Variants in SMARCAL1 observed in about 807,000 individuals in gnomAD.
SMARCAL1 encodes SNF2 related chromatin remodeling annealing helicase 1, also known as ATP-driven annealing helicase.
In SMARCAL1, 58 loss-of-function variants were observed where a neutral mutation model predicts 94.5. The observed-to-expected ratio is 0.61, with a 90% confidence interval of 0.50 to 0.76. The LOEUF is 0.76. SMARCAL1 is among the 30% of genes least tolerant of loss of function. SMARCAL1 has a pLI of 0.00. For missense variants in SMARCAL1, 1,051 were observed against 1,177.9 expected, an observed-to-expected ratio of 0.89 and a Z score of 1.58; for synonymous variants, 422 against 455.1, an observed-to-expected ratio of 0.93 and a Z score of 0.93.
At chr2:216,481,961 T>C (rs1013384813) in intron 17 of SMARCAL1, among the ~76,000 whole-genome samples, 9 of 152,222 alleles carry the variant, frequency 5.9e-5, no homozygotes, top group African/African-American at 1.9e-4. Context: ...TGTGTTGTGG[T>C]TGTATCCACT....
intron 4 of SMARCAL1, among the ~76,000 whole-genome samples, chr2:216,419,119 A>T (rs1318847529): frequency 2.0e-5 from 3 of 152,200 alleles, no homozygotes; most frequent in Non-Finnish European, 2.9e-5. Context: ...GGTAGTTGGG[A>T]TAGATTCCCA....
In SMARCAL1 at chr2:216,475,415, C is replaced by T. The variant is rs1695051788; in HGVS notation, c.2391C>T (p.Asp797=). The change falls in exon 15 of 18, where the codon GAC becomes GAT. Residue 797 remains aspartate (D), a synonymous_variant. Coordinates refer to ENST00000357276, the MANE Select transcript of SMARCAL1 (RefSeq NM_014140.4). The surrounding 1 kb of genome is among the most constrained non-coding windows in gnomAD (Gnocchi z 4.4). ...ANMGLTFSSA[D]LVVFAELFWN... Reference sequence around the variant, plus strand: ...TGGGCCTCACCTTCTCCTCGGCTGACCTGGTGGTGTTTGCTGAGCTGTTTT... The same window carrying T: ...TGGGCCTCACCTTCTCCTCGGCTGATCTGGTGGTGTTTGCTGAGCTGTTTT... 1.2e-6 allele frequency: 2 copies of T among 1,614,202 alleles called. No homozygotes were observed. Among genetic ancestry groups the T allele is most frequent in the Non-Finnish European group, 1.7e-6 (2 of 1,180,036 alleles).
intron 11 of SMARCAL1, 119 bp from the exon 12 acceptor site, chr2:216,450,727 A>T: frequency 1.4e-6 from 1 of 729,222 alleles, no homozygotes; most frequent in South Asian, 1.5e-5. Context: ...AGTCACTTGA[A>T]GTTTTCTGAG....
At chr2:216,461,554 G>A (rs1464566703) in intron 12 of SMARCAL1, among the ~76,000 whole-genome samples, 1 of 152,118 alleles carries the variant, frequency 6.6e-6, no homozygotes, top group Admixed American at 6.5e-5. Flanking sequence ...TTAGCCAGGT[G>A]TGCTGGCTCA....
At chr2:216,472,196 A>G (rs1694983359) in intron 14 of SMARCAL1, among the ~76,000 whole-genome samples, 1 of 152,106 alleles carries the variant, frequency 6.6e-6, no homozygotes, top group Non-Finnish European at 1.5e-5. Context: ...CTCTACTAAG[A>G]ATACAAAAAT....
At chr2:216,417,859 C>T (rs1032930319) in intron 4 of SMARCAL1, among the ~76,000 whole-genome samples, 5 of 152,114 alleles carry the variant, frequency 3.3e-5, no homozygotes, top group African/African-American at 1.2e-4. Flanking sequence ...TTGTTCTGAC[C>T]ACGGTGCATG....
At chr2:216,433,482 A>G (rs11686241) in intron 8 of SMARCAL1, among the ~76,000 whole-genome samples, 32,611 of 152,106 alleles carry the variant, frequency 0.21, 3,795 homozygotes, top group East Asian at 0.33. Flanking sequence ...TATAGATGAG[A>G]AAATGGAATC....
intron 6 of SMARCAL1, among the ~76,000 whole-genome samples, chr2:216,428,277 G>A (rs1056018120): frequency 1.3e-5 from 2 of 151,938 alleles, no homozygotes; most frequent in South Asian, 2.1e-4. Context: ...TTATCTCTCC[G>A]GTTTATTCTT....
At chr2:216,469,225 C>T (rs935904547) in intron 14 of SMARCAL1, among the ~76,000 whole-genome samples, 1 of 151,154 alleles carries the variant, frequency 6.6e-6, no homozygotes, top group Non-Finnish European at 1.5e-5. Context: ...TAAATGACAG[C>T]ACGGTGTAAT....
intron 4 of SMARCAL1, among the ~76,000 whole-genome samples, chr2:216,420,028 C>CAAAAAAAA (rs60555710): frequency 5.0e-5 from 2 of 40,156 alleles, no homozygotes; most frequent in African/African-American, 9.1e-5. Flanking sequence ...GACCCCGTCT[C>CAAAAAAAA]AAAAAAAAAA....
chr2:216,443,268 G>A (rs1241014981), intron 10 of SMARCAL1, among the ~76,000 whole-genome samples: 1 of 150,484 alleles, frequency 6.6e-6, no homozygotes, highest in Non-Finnish European at 1.5e-5. Context: ...ATGGGAGACT[G>A]AGGGAGGAGG....
At chr2:216,462,101 C>T (rs958381786) in intron 12 of SMARCAL1, among the ~76,000 whole-genome samples, 4 of 152,210 alleles carry the variant, frequency 2.6e-5, no homozygotes, top group Non-Finnish European at 5.9e-5. Flanking sequence ...CCCAAAAGGG[C>T]TAGCCCAGTG....
At chr2:216,423,481 A>G (rs1207921110) in intron 5 of SMARCAL1, 152 bp from the exon 6 acceptor site, 2 of 712,514 alleles carry the variant, frequency 2.8e-6, no homozygotes, top group East Asian at 5.3e-5. Context: ...TACTCTCCTA[A>G]TTTCTGTATC....
At chr2:216,415,538 G>GTTTT in intron 3 of SMARCAL1, 23 bp downstream of exon 3, 9 of 1,399,828 alleles carry the variant, frequency 6.4e-6, no homozygotes, top group African/African-American at 1.5e-5. Flanking sequence ...TTTTTCAGCT[G>GTTTT]TTTTTTTTTT....
intron 12 of SMARCAL1, among the ~76,000 whole-genome samples, chr2:216,456,418 G>C (rs1274953886): frequency 4.6e-5 from 7 of 152,124 alleles, no homozygotes; most frequent in African/African-American, 1.4e-4. Context: ...TTGAAATGAA[G>C]GAAAAAATGT....
chr2:216,412,928 GTC>G (rs1443642558), intron 1 of SMARCAL1: 2 of 152,340 alleles, frequency 1.3e-5, no homozygotes, highest in Non-Finnish European at 2.9e-5. Flanking sequence ...TTATGGCCGA[GTC>G]TCTCTGGTTA....
At chr2:216,477,525 CCT>C (rs1381114609) in intron 16 of SMARCAL1, among the ~76,000 whole-genome samples, 1 of 152,090 alleles carries the variant, frequency 6.6e-6, no homozygotes, top group African/African-American at 2.4e-5. Context: ...TGTAAAACAC[CCT>C]GTTCCCAGCT....
At chr2:216,441,183 A>G (rs990064005) in intron 10 of SMARCAL1, among the ~76,000 whole-genome samples, 5 of 152,186 alleles carry the variant, frequency 3.3e-5, no homozygotes, top group African/African-American at 4.8e-5. Flanking sequence ...AGATTAAATC[A>G]TACAGTTCGT....
chr2:216,432,628 C>G, intron 7 of SMARCAL1, 90 bp from the exon 8 acceptor site: 1 of 1,526,146 alleles, frequency 6.6e-7, no homozygotes, highest in South Asian at 1.1e-5. Flanking sequence ...AGTGAAGTGG[C>G]CTTCACCCAG....
Sources: gnomAD v4.1 joint callset for allele counts (sites outside exome capture counted in the v4.1 genomes callset) on GRCh38, gnomAD v4.1.1 for gene constraint, Gnocchi (gnomAD v3.1) non-coding constraint, MANE v1.5 for transcripts, NCBI Gene and HGNC (gene_info 2026-07-23, HGNC 2026-07-21) for gene names.